Variants in IRF4 observed in about 807,000 individuals in gnomAD.
IRF4 encodes the protein lymphocyte-specific interferon regulatory factor.
IRF4 carries 13 observed loss-of-function variants against 55.5 expected under a neutral mutation model. The ratio of observed to expected loss-of-function variants is 0.23; its 90% CI spans 0.15 to 0.37. The LOEUF is 0.37. IRF4 is among the 10% of genes least tolerant of loss of function. The pLI, the probability that IRF4 is intolerant of heterozygous loss-of-function variation, is 1.00. For synonymous variants in IRF4, 249 were observed against 240.7 expected, an observed-to-expected ratio of 1.03 and a Z score of -0.32; for missense variants, 397 against 593.8, an observed-to-expected ratio of 0.67 and a Z score of 3.44.
rs959932186 is a variant in IRF4 at position 408,491 on chromosome 6, A to G, written c.*893A>G. 3 of 229,790 alleles carry G rather than the reference A, an allele frequency of 1.3e-5. No homozygotes were observed. Among genetic ancestry groups the G allele is most frequent in the Non-Finnish European group, 2.6e-5 (3 of 115,960 alleles). 14.2% of individuals were successfully genotyped at this position (229,790 alleles called of 1,614,324 possible). Reference sequence around the variant, plus strand: ...CATGAGCGCTACTCTTGGATGGGACATTTTTGTCTGTCCTACAATCTAGTA... The same window carrying G: ...CATGAGCGCTACTCTTGGATGGGACGTTTTTGTCTGTCCTACAATCTAGTA... On this transcript the variant is annotated 3_prime_UTR_variant, in exon 9 of 9. Transcript: ENST00000380956.
intron 7 of IRF4, among the ~76,000 whole-genome samples, chr6:403,075 G>C (rs553099074): frequency 1.3e-5 from 2 of 152,370 alleles, no homozygotes; most frequent in South Asian, 2.1e-4. Flanking sequence ...CACAGAGGCT[G>C]ACCATAGGAA....
chr6:403,830 A>G (rs1561717713), intron 7 of IRF4, among the ~76,000 whole-genome samples: 1 of 152,218 alleles, frequency 6.6e-6, no homozygotes, highest in Non-Finnish European at 1.5e-5. Context: ...GGTTGGAGCC[A>G]TGCTTTCTCA....
At chr6:396,883 C>T (rs1209435702) in intron 4 of IRF4, among the ~76,000 whole-genome samples, 1 of 110,778 alleles carries the variant, frequency 9.0e-6, no homozygotes, top group Non-Finnish European at 1.8e-5. Flanking sequence ...ATCTCAGCCT[C>T]TCCTGCACTC....
In IRF4 at chr6:404,907, C is replaced by T. The variant is rs1045900568; in HGVS notation, c.1100-111C>T. 4 of 680,042 alleles carry T rather than the reference C, an allele frequency of 5.9e-6. No individual in the cohort carries two copies. The African/African-American group carries it at 7.1e-5, about 12-fold the overall frequency. 42.1% of individuals were successfully genotyped at this position (680,042 alleles called of 1,614,324 possible). On this transcript the variant is annotated intron_variant, in intron 7 of 8. Coordinates refer to ENST00000380956, the MANE Select transcript of IRF4 (RefSeq NM_002460.4). The stretch of plus-strand genomic sequence containing the variant: ...CCCCACTCAGCGGAGTAAGAGTGCT[C>T]ATTCCTCTTGCAGTGTTCAGAATCA...
chr6:394,468 T>A (rs1268497640), intron 2 of IRF4, among the ~76,000 whole-genome samples: 4 of 152,244 alleles, frequency 2.6e-5, no homozygotes, highest in Non-Finnish European at 4.4e-5. Flanking sequence ...AGATTCCTTA[T>A]AAAATATCTG....
intron 8 of IRF4, chr6:406,643 A>C (rs897761486): frequency 4.1e-6 from 1 of 242,134 alleles, no homozygotes; most frequent in Non-Finnish European, 7.4e-6. Context: ...AAGTCAGGGA[A>C]AGATGGATCC....
At chr6:396,112 A>G (rs1380939774) in intron 4 of IRF4, 177 bp downstream of exon 4, 3 of 583,692 alleles carry the variant, frequency 5.1e-6, no homozygotes, top group East Asian at 2.9e-5. Flanking sequence ...CGGTGCTGCC[A>G]TTGGTGTGGA....
chr6:398,104 G>A (rs922979824), intron 5 of IRF4, among the ~76,000 whole-genome samples: 5 of 152,216 alleles, frequency 3.3e-5, no homozygotes, highest in Non-Finnish European at 7.3e-5. Context: ...TTTCAAGAGG[G>A]ATTTGCAGCA....
Position 405,122 on chromosome 6 carries a change from A to G in IRF4, c.1204A>G (p.Thr402Ala). ...CCCTCAGAGGCAAAGAAAGCTCATC[A>G]CAGCTCACGTGAGTCCTCAGTTACA... ...PDPQRQRKLI[T>A]AHVEPLLARQ... Residue 402 changes from threonine (T) to alanine (A), a missense_variant, in exon 8 of 9, where the codon ACA becomes GCA. Physicochemically the swap from Thr to Ala is moderately conservative, Grantham distance 58. Transcript: ENST00000380956. 6.3e-7 allele frequency: 1 copy of G among 1,587,340 alleles called. No individual in the cohort carries two copies. Among genetic ancestry groups the G allele is most frequent in the Non-Finnish European group, 8.7e-7 (1 of 1,155,760 alleles).
In IRF4 at chr6:407,721, C is replaced by T. The variant is rs1761588701; in HGVS notation, c.*123C>T. On this transcript the variant is annotated 3_prime_UTR_variant, in exon 9 of 9. Coordinates refer to ENST00000380956, the MANE Select transcript of IRF4 (RefSeq NM_002460.4). ...TGACACAATCTCAGCTCACTGTGAC[C>T]TCCGCCTCCTGGGTTCAAGAGACTC... 1 of 895,658 alleles carries T rather than the reference C, an allele frequency of 1.1e-6. No homozygotes were observed. Among genetic ancestry groups the T allele is most frequent in the Non-Finnish European group, 1.7e-6 (1 of 599,106 alleles). The allele number at this position is 895,658 out of a possible 1,614,324, so 55.5% of individuals were successfully genotyped here.
chr6:397,556 G>A, intron 5 of IRF4: 4 of 305,554 alleles, frequency 1.3e-5, no homozygotes, highest in Non-Finnish European at 2.4e-5. Context: ...GATTGTGGAA[G>A]CTCATAAATA....
rs1231252516 is a variant in IRF4 at position 393,482 on chromosome 6, C to A, written c.216+114C>A. Reference sequence around the variant, plus strand: ...CAGGGGACCGCGCGGGGCGGACGGGCGGGCGGCGGAGGCATCAGGTGGCGT... The same window carrying A: ...CAGGGGACCGCGCGGGGCGGACGGGAGGGCGGCGGAGGCATCAGGTGGCGT... On this transcript the variant is annotated intron_variant, in intron 2 of 8. Coordinates refer to ENST00000380956, the MANE Select transcript of IRF4 (RefSeq NM_002460.4). The surrounding 1 kb of genome is among the most constrained non-coding windows in gnomAD (Gnocchi z 5.4). The A allele has an allele frequency of 4.1e-6, 3 of 739,996 alleles. No individual in the cohort carries two copies. Among genetic ancestry groups the A allele is most frequent in the East Asian group, 3.6e-5 (1 of 28,066 alleles). 45.8% of individuals were successfully genotyped at this position (739,996 alleles called of 1,614,324 possible).
chr6:407,284 A>G (rs969642307), intron 8 of IRF4, among the ~76,000 whole-genome samples, 171 bp from the exon 9 acceptor site: 3 of 152,242 alleles, frequency 2.0e-5, no homozygotes, highest in Non-Finnish European at 4.4e-5. Flanking sequence ...CTATGGAAGG[A>G]CTAACCAAAA....
At chr6:400,878 G>A (rs1383562207) in intron 6 of IRF4, among the ~76,000 whole-genome samples, 1 of 152,042 alleles carries the variant, frequency 6.6e-6, no homozygotes, top group Non-Finnish European at 1.5e-5. Flanking sequence ...TATGTGGACC[G>A]ACTTGCTTCT....
chr6:391,913 G>A (rs1244752170), intron 1 of IRF4, 104 bp downstream of exon 1: 1 of 445,844 alleles, frequency 2.2e-6, no homozygotes, highest in Non-Finnish European at 4.5e-6. Context: ...AGGGTACCCC[G>A]GCTTCGGAGC....
chr6:408,411 C>G lies in IRF4; in HGVS notation c.*813C>G, dbSNP rs1302495804. ...CCCTCCTTCCCATTGGCTTTCTCTC[C>G]TTGGCCTTTCCTGGAAGCCAGTTAG... On this transcript the variant is annotated 3_prime_UTR_variant, in exon 9 of 9. Transcript: ENST00000380956. The G allele has an allele frequency of 4.3e-6, 1 of 230,668 alleles. No individual in the cohort carries two copies. Among genetic ancestry groups the G allele is most frequent in the Non-Finnish European group, 8.6e-6 (1 of 116,382 alleles). 14.3% of individuals were successfully genotyped at this position (230,668 alleles called of 1,614,324 possible). A position where few individuals can be genotyped will look rare whatever the true frequency, so the allele number is the denominator to read the frequency against.
In IRF4 at chr6:393,371, C is replaced by T. The variant is rs1409013663; in HGVS notation, c.216+3C>T. ...AGGAGGACGCCGCGCTCTTCAAGGTCTCCGGCCTCGGGAGCCGGCGGGGGC... is the reference window on the plus strand; with the variant it reads ...AGGAGGACGCCGCGCTCTTCAAGGTTTCCGGCCTCGGGAGCCGGCGGGGGC... On this transcript the variant is annotated splice_donor_region_variant and intron_variant, in intron 2 of 8. Transcript: ENST00000380956. This position sits in a 1 kb window ranked among gnomAD's most constrained non-coding sequence, Gnocchi z 5.4. 1 of 1,575,886 alleles carries T rather than the reference C, an allele frequency of 6.3e-7. No homozygotes were observed. The highest frequency in any genetic ancestry group is 8.6e-7 in the Non-Finnish European group (1 of 1,159,754).
intron 5 of IRF4, among the ~76,000 whole-genome samples, chr6:398,580 C>T (rs376376910): frequency 7.2e-5 from 11 of 152,342 alleles, no homozygotes; most frequent in African/African-American, 2.2e-4. Context: ...ACAGAGAGAG[C>T]GCTCCAAGTT....
In IRF4 at chr6:400,552, ATTTC is replaced by A. The variant is rs543870626; in HGVS notation, c.746-864_746-861del. Among the ~76,000 whole-genome samples the A allele has an allele frequency of 1.2e-3, 179 of 152,304 alleles. 1 individual carries two copies. The highest frequency in any genetic ancestry group is 4.1e-3 in the African/African-American group (172 of 41,564). Reference sequence around the variant, plus strand: ...AACTTTTAGAGTATTTTTCTCATTAATTTCTTTCTTTTCACAAGAATTAATTTTG... The same window carrying A: ...AACTTTTAGAGTATTTTTCTCATTAATTTCTTTTCACAAGAATTAATTTTG... On this transcript the variant is annotated intron_variant, in intron 6 of 8. Transcript: ENST00000380956.
Sources: allele counts gnomAD v4.1 joint callset (sites outside exome capture counted in the v4.1 genomes callset), GRCh38; gene constraint gnomAD v4.1.1; non-coding constraint Gnocchi (gnomAD v3.1); transcripts MANE v1.5; gene names NCBI Gene and HGNC (gene_info 2026-07-23, HGNC 2026-07-21).